The following CNTNAP5 variants were observed in gnomAD, a reference collection of about 807,000 sequenced individuals.
CNTNAP5 encodes the protein contactin associated protein family member 5, also known as contactin-associated protein-like 5.
CNTNAP5 carries 72 observed loss-of-function variants against 150.2 expected under a neutral mutation model. The observed-to-expected ratio is 0.48, with a 90% CI of 0.40 to 0.58. The LOEUF (loss-of-function observed/expected upper bound fraction) is 0.58. Among genes scored for constraint, CNTNAP5 ranks in the 20% least tolerant of loss-of-function variants. The probability of loss-of-function intolerance (pLI) is 0.00; values close to 1 mark genes in which losing one functional copy is unlikely to be tolerated. For synonymous variants in CNTNAP5, 672 were observed against 619.8 expected, an observed-to-expected ratio of 1.08 and a Z score of -1.25; for missense variants, 1,636 against 1,626.2, an observed-to-expected ratio of 1.01 and a Z score of -0.10.
chr2:124,714,042 T>C (rs1558747328), intron 13 of CNTNAP5, among the ~76,000 whole-genome samples: 3 of 152,224 alleles, frequency 2.0e-5, no homozygotes, highest in South Asian at 4.1e-4. Context: ...GCTCTTTTTT[T>C]CCCCCCAAAC....
At chr2:124,889,147 G>T (rs1165333874) in intron 21 of CNTNAP5, among the ~76,000 whole-genome samples, 1 of 141,302 alleles carries the variant, frequency 7.1e-6, no homozygotes, top group Non-Finnish European at 1.5e-5. Context: ...CACCCAGGCT[G>T]GAGTGCAGTG....
chr2:124,302,095 T>G (rs1222646696), intron 3 of CNTNAP5, among the ~76,000 whole-genome samples: 3 of 152,152 alleles, frequency 2.0e-5, no homozygotes, highest in Admixed American at 1.3e-4. Flanking sequence ...CTGTAAGCCA[T>G]GTAGTGAGGC....
chr2:124,179,393 T>C (rs62163926), intron 1 of CNTNAP5, among the ~76,000 whole-genome samples: 34,090 of 151,918 alleles, frequency 0.22, 4,081 homozygotes, highest in African/African-American at 0.3. Flanking sequence ...CTCCTGACCT[T>C]AGGTGATCTG....
intron 19 of CNTNAP5, among the ~76,000 whole-genome samples, chr2:124,825,588 C>T (rs1412488059): frequency 6.6e-6 from 1 of 152,106 alleles, no homozygotes; most frequent in African/African-American, 2.4e-5. Flanking sequence ...ATGGCACTTT[C>T]CTGCTTGGAT....
At chr2:124,320,385 A>G (rs980997775) in intron 3 of CNTNAP5, among the ~76,000 whole-genome samples, 3 of 152,164 alleles carry the variant, frequency 2.0e-5, no homozygotes, top group Non-Finnish European at 4.4e-5. Context: ...TGTAATTTGC[A>G]TTTCCCTGAC....
intron 10 of CNTNAP5, among the ~76,000 whole-genome samples, chr2:124,550,637 C>G (rs1229301668): frequency 6.6e-6 from 1 of 152,048 alleles, no homozygotes; most frequent in African/African-American, 2.4e-5. Context: ...GTGGACTAAC[C>G]CAACCAGATT....
chr2:124,419,147 A>AC, intron 4 of CNTNAP5, among the ~76,000 whole-genome samples: 1 of 135,752 alleles, frequency 7.4e-6, no homozygotes, highest in African/African-American at 2.9e-5. Context: ...TCTCAAAAAA[A>AC]AAAAAAAAAA....
chr2:124,204,209 CA>C (rs1176572290), intron 1 of CNTNAP5, among the ~76,000 whole-genome samples: 3 of 152,170 alleles, frequency 2.0e-5, no homozygotes, highest in Non-Finnish European at 4.4e-5. Context: ...ATATCTAGGA[CA>C]GGGGCAAAAT....
intron 19 of CNTNAP5, among the ~76,000 whole-genome samples, chr2:124,834,626 C>A (rs566408840): frequency 3.3e-5 from 5 of 152,140 alleles, no homozygotes; most frequent in African/African-American, 1.2e-4. Context: ...GGACAGTGAG[C>A]TCTTTTAAAT....
chr2:124,107,730 C>T (rs1273696317), intron 1 of CNTNAP5, among the ~76,000 whole-genome samples: 1 of 152,128 alleles, frequency 6.6e-6, no homozygotes, highest in South Asian at 2.1e-4. Flanking sequence ...CAGGTCTTTA[C>T]CAATTTAGAA....
intron 2 of CNTNAP5, among the ~76,000 whole-genome samples, chr2:124,222,203 A>G (rs1686338950): frequency 6.6e-6 from 1 of 152,112 alleles, no homozygotes; most frequent in African/African-American, 2.4e-5. Context: ...TTGAAAATTA[A>G]TATTGCTGAT....
chr2:124,777,763 C>G (rs1452954763), intron 17 of CNTNAP5, among the ~76,000 whole-genome samples: 1 of 142,946 alleles, frequency 7.0e-6, no homozygotes, highest in East Asian at 2.1e-4. Context: ...ACAATTGAAG[C>G]AGAATGGAGG....
At chr2:124,612,153 A>AG (rs1677396898) in intron 12 of CNTNAP5, among the ~76,000 whole-genome samples, 1 of 152,162 alleles carries the variant, frequency 6.6e-6, no homozygotes. Flanking sequence ...AGAAATTTTG[A>AG]GGGAAAAAAG....
chr2:124,852,511 CA>C (rs2104704665), intron 19 of CNTNAP5, among the ~76,000 whole-genome samples: 1 of 152,278 alleles, frequency 6.6e-6, no homozygotes, highest in African/African-American at 2.4e-5. Context: ...CAAAGAGGTA[CA>C]AGGGAATATG....
intron 1 of CNTNAP5, among the ~76,000 whole-genome samples, chr2:124,113,451 C>CT (rs1683348059): frequency 6.6e-6 from 1 of 151,384 alleles, no homozygotes; most frequent in African/African-American, 2.4e-5. Context: ...CTTTCGCCCA[C>CT]TTTTTTCTAT....
At chr2:124,457,112 A>C (rs1352102279) in intron 6 of CNTNAP5, among the ~76,000 whole-genome samples, 1 of 152,218 alleles carries the variant, frequency 6.6e-6, no homozygotes, top group Non-Finnish European at 1.5e-5. Flanking sequence ...AGGAACAGTC[A>C]ACAGAGTAAA....
chr2:124,499,272 T>C (rs1047144922), intron 7 of CNTNAP5, among the ~76,000 whole-genome samples: 1 of 152,074 alleles, frequency 6.6e-6, no homozygotes, highest in East Asian at 1.9e-4. Flanking sequence ...GTGTAAGGCA[T>C]GGGCAGTTAT....
chr2:124,291,313 A>G (rs1002954210), intron 3 of CNTNAP5, among the ~76,000 whole-genome samples: 1 of 152,058 alleles, frequency 6.6e-6, no homozygotes, highest in African/African-American at 2.4e-5. Context: ...CAATATTTTC[A>G]CTGATATAAT....
intron 3 of CNTNAP5, among the ~76,000 whole-genome samples, chr2:124,363,957 C>A (rs1188179817): frequency 6.6e-6 from 1 of 152,158 alleles, no homozygotes; most frequent in Non-Finnish European, 1.5e-5. Context: ...ATGACAATGT[C>A]CTGCTTCTAC....
Sources: allele counts gnomAD v4.1 joint callset (sites outside exome capture counted in the v4.1 genomes callset), GRCh38; gene constraint gnomAD v4.1.1; transcripts MANE v1.5; gene names NCBI Gene and HGNC (gene_info 2026-07-23, HGNC 2026-07-21).